Variants in SFXN5 observed in about 807,000 individuals in gnomAD.
SFXN5 encodes the protein sideroflexin 5.
Under a neutral mutation model 50.2 loss-of-function variants are expected in SFXN5, and 43 were observed. That is an observed-to-expected ratio of 0.86 (90% confidence interval 0.67 to 1.11). The LOEUF (loss-of-function observed/expected upper bound fraction) is 1.11, where lower values mean the gene tolerates loss of function less well. Ranked by LOEUF, SFXN5 falls within the 50% of genes least tolerant of loss-of-function variation. The probability of loss-of-function intolerance (pLI) is 0.00; values close to 1 mark genes in which losing one functional copy is unlikely to be tolerated. For synonymous variants in SFXN5, 203 were observed against 185.8 expected (o/e 1.09, Z -0.75); for missense variants, 463 against 454.1 (o/e 1.02, Z -0.18).
intron 10 of SFXN5, among the ~76,000 whole-genome samples, chr2:72,986,247 C>A (rs768498286): frequency 6.6e-6 from 1 of 152,186 alleles, no homozygotes; most frequent in Admixed American, 6.5e-5. Flanking sequence ...GGCTGGTTCT[C>A]GGAATTCATT....
intron 1 of SFXN5, 83 bp from the exon 2 acceptor site, chr2:73,058,679 T>C: frequency 4.5e-6 from 6 of 1,338,552 alleles, no homozygotes; most frequent in Non-Finnish European, 6.4e-6. Flanking sequence ...CCACCCTTTA[T>C]GATTGGGGTC....
chr2:73,065,768 T>C (rs1683127513), intron 1 of SFXN5, among the ~76,000 whole-genome samples: 1 of 152,206 alleles, frequency 6.6e-6, no homozygotes, highest in South Asian at 2.1e-4. Flanking sequence ...TTGGCCAGGC[T>C]GATCTCGAAC....
chr2:73,033,851 A>G (rs947265659), intron 3 of SFXN5, among the ~76,000 whole-genome samples: 3 of 152,152 alleles, frequency 2.0e-5, no homozygotes, highest in Non-Finnish European at 4.4e-5. Flanking sequence ...ACATCAGAAA[A>G]CATTTTTGAT....
chr2:72,952,718 A>T (rs1672671563), intron 13 of SFXN5, among the ~76,000 whole-genome samples: 1 of 152,112 alleles, frequency 6.6e-6, no homozygotes, highest in African/African-American at 2.4e-5. Flanking sequence ...CACATGTATG[A>T]TGGGAAGATT....
rs946158664 is a variant in SFXN5, at chr2:73,052,782, A to G, written c.171+5746T>C. On this transcript the variant is annotated intron_variant, in intron 2 of 13. Coordinates refer to ENST00000272433, the MANE Select transcript of SFXN5 (RefSeq NM_144579.3). ...ATTCCCTGGCCTACAGAGAAGGCCA[A>G]AGATTTCTCCCTTTTGCTTCTGCAA... 2.6e-5 allele frequency among the ~76,000 whole-genome samples: 4 copies of G among 152,212 alleles called. No individual in the cohort carries two copies. In the South Asian group the frequency reaches 6.2e-4, roughly 24 times the overall value.
intron 3 of SFXN5, among the ~76,000 whole-genome samples, chr2:73,037,066 A>G (rs1418213510): frequency 6.6e-6 from 1 of 152,116 alleles, no homozygotes; most frequent in Non-Finnish European, 1.5e-5. Flanking sequence ...CTCTATTCCC[A>G]TCACCATGCT....
intron 3 of SFXN5, among the ~76,000 whole-genome samples, chr2:73,040,572 AAG>A (rs1679489715): frequency 6.6e-6 from 1 of 152,182 alleles, no homozygotes; most frequent in Non-Finnish European, 1.5e-5. Flanking sequence ...TGGAATTGGG[AAG>A]AGATGCCCAC....
At chr2:73,044,821 G>A (rs1233067915) in intron 2 of SFXN5, among the ~76,000 whole-genome samples, 1 of 152,242 alleles carries the variant, frequency 6.6e-6, no homozygotes, top group Admixed American at 6.5e-5. Flanking sequence ...ATGGTCTCCA[G>A]AAGATCCCTC....
chr2:73,034,608 TC>T (rs1678726182), intron 3 of SFXN5, among the ~76,000 whole-genome samples: 2 of 152,116 alleles, frequency 1.3e-5, no homozygotes, highest in Admixed American at 1.3e-4. Context: ...GTTGGCTGGT[TC>T]CCAACCTCTG....
At chr2:72,971,392 C>T (rs944125468) in intron 11 of SFXN5, among the ~76,000 whole-genome samples, 178 bp downstream of exon 11, 5 of 141,340 alleles carry the variant, frequency 3.5e-5, no homozygotes, top group African/African-American at 1.3e-4. Context: ...GGGGAACATG[C>T]GGGAGGCCAG....
chr2:72,949,244 T>C (rs1296000931), intron 13 of SFXN5, among the ~76,000 whole-genome samples: 1 of 152,156 alleles, frequency 6.6e-6, no homozygotes, highest in Non-Finnish European at 1.5e-5. Flanking sequence ...GTAGGCTACA[T>C]GAAGGTGTCA....
intron 12 of SFXN5, among the ~76,000 whole-genome samples, chr2:72,968,192 G>A (rs1350630368): frequency 6.6e-6 from 1 of 151,468 alleles, no homozygotes; most frequent in African/African-American, 2.4e-5. Context: ...TCAGGGGAGG[G>A]CCAGCACTGT....
intron 13 of SFXN5, among the ~76,000 whole-genome samples, chr2:72,946,038 G>A (rs1271413593): frequency 6.6e-6 from 1 of 151,842 alleles, no homozygotes; most frequent in Non-Finnish European, 1.5e-5. Flanking sequence ...TGCCTTCCGT[G>A]TCCATGCATG....
chr2:73,044,070 C>T (rs560565259), intron 2 of SFXN5, among the ~76,000 whole-genome samples: 8 of 152,168 alleles, frequency 5.3e-5, no homozygotes, highest in South Asian at 2.1e-4. Context: ...TACTTTCCAA[C>T]GCTGAATGGT....
chr2:73,030,540 T>C (rs1244361411), intron 3 of SFXN5, among the ~76,000 whole-genome samples: 1 of 152,146 alleles, frequency 6.6e-6, no homozygotes, highest in Non-Finnish European at 1.5e-5. Flanking sequence ...GATAGACATT[T>C]GGCATTAAGT....
At chr2:72,952,665 TTC>T (rs1672664795) in intron 13 of SFXN5, among the ~76,000 whole-genome samples, 1 of 152,214 alleles carries the variant, frequency 6.6e-6, no homozygotes, top group Non-Finnish European at 1.5e-5. Flanking sequence ...CTCAGAATCA[TTC>T]TCTGTCCTCT....
chr2:73,070,614 C>A (rs56088054), intron 1 of SFXN5: 9,040 of 152,008 alleles, frequency 0.059, 318 homozygotes, highest in East Asian at 0.14. Context: ...GCCCGAGGGT[C>A]TGCGGCGCGG....
intron 13 of SFXN5, among the ~76,000 whole-genome samples, chr2:72,952,715 A>G (rs970386516): frequency 6.6e-6 from 1 of 152,170 alleles, no homozygotes; most frequent in African/African-American, 2.4e-5. Context: ...CCCCACATGT[A>G]TGATGGGAAG....
chr2:73,060,421 C>T (rs2106042666), intron 1 of SFXN5, among the ~76,000 whole-genome samples: 1 of 152,074 alleles, frequency 6.6e-6, no homozygotes, highest in African/African-American at 2.4e-5. Context: ...ACAGACATTC[C>T]ATAAATTAAT....
Sources: gnomAD v4.1 joint callset for allele counts (sites outside exome capture counted in the v4.1 genomes callset) on GRCh38, gnomAD v4.1.1 for gene constraint, MANE v1.5 for transcripts, NCBI Gene and HGNC (gene_info 2026-07-23, HGNC 2026-07-21) for gene names.